Variants in FNDC7 observed in about 807,000 individuals in gnomAD.
FNDC7 encodes fibronectin type III domain-containing protein 7.
FNDC7 carries 66 observed loss-of-function variants against 74.2 expected under a neutral mutation model. The observed-to-expected ratio is 0.89, with a 90% CI of 0.73 to 1.09. The LOEUF (loss-of-function observed/expected upper bound fraction) is 1.09. Among genes scored for constraint, FNDC7 ranks in the 50% least tolerant of loss-of-function variants. The pLI is 0.00. For missense variants in FNDC7, 829 were observed against 893.4 expected, an observed-to-expected ratio of 0.93 and a Z score of 0.92; for synonymous variants, 307 against 330.2, an observed-to-expected ratio of 0.93 and a Z score of 0.76.
Position 108,740,318 on chromosome 1 carries a change from CTTTTTTTTTTTTTT to C in FNDC7, c.2171-1441_2171-1428del, listed in dbSNP as rs567191029. Among the ~76,000 whole-genome samples, 3 of 68,864 alleles carry C rather than the reference CTTTTTTTTTTTTTT, an allele frequency of 4.4e-5. No individual in the cohort carries two copies. In the East Asian group the frequency reaches 1.1e-3, roughly 25 times the overall value. The allele number at this position is 68,864 out of a possible 152,430, so 45.2% of individuals were successfully genotyped here. ...TTGGAGTATCCTAAAGCTTTTCAAACTTTTTTTTTTTTTTTTTTTTTTTTTTTGAGATGGAGTTT... is the reference window on the plus strand; with the variant it reads ...TTGGAGTATCCTAAAGCTTTTCAAACTTTTTTTTTTTTTGAGATGGAGTTT... On this transcript the variant is annotated intron_variant, in intron 11 of 12. Coordinates refer to ENST00000370017, the MANE Select transcript of FNDC7 (RefSeq NM_001144937.3).
At chr1:108,723,329 T>G (rs1006429791) in intron 5 of FNDC7, among the ~76,000 whole-genome samples, 19 of 152,216 alleles carry the variant, frequency 1.2e-4, no homozygotes, top group Admixed American at 1.2e-3. Context: ...AGATTCAAGC[T>G]GCTCAAGTTT....
chr1:108,739,655 TTAA>T (rs1377008329), intron 11 of FNDC7, among the ~76,000 whole-genome samples: 56 of 152,302 alleles, frequency 3.7e-4, no homozygotes, highest in African/African-American at 1.3e-3. Context: ...TCCTGGACAG[TTAA>T]TAATGAATGC....
In FNDC7 at chr1:108,717,789, C is replaced by A; in HGVS notation, c.95C>A (p.Pro32His). ...VASAKSAPEI[P>H]TIDQAYSKLS... ...AAACCTCTTTCAGCTCCTGAAATAC[C>A]CACTATTGATCAGGCATATTCAAAA... Residue 32 changes from proline to histidine, a missense_variant, in exon 3 of 13, where the codon CCC becomes CAC. Transcript: ENST00000370017. 6.4e-7 allele frequency: 1 copy of A among 1,551,620 alleles called. No individual in the cohort carries two copies. The highest frequency in any genetic ancestry group is 8.7e-7 in the Non-Finnish European group (1 of 1,146,962).
At position 108,725,967 on chromosome 1, in the gene FNDC7, G is replaced by A. The variant is rs765401418; in HGVS notation, c.1074G>A (p.Gly358=). 1 of 1,614,142 alleles carries A rather than the reference G, an allele frequency of 6.2e-7. No homozygotes were observed. The highest frequency in any genetic ancestry group is 1.7e-5 in the Admixed American group (1 of 60,014). ...FISVFVYNKA[G]QSPLGDIFNY... ...GTGTTTTTGTCTATAACAAGGCAGG[G>A]CAAAGTCCTTTGGGTGACATATTCA... Residue 358 remains glycine, a synonymous_variant, in exon 6 of 13, where the codon GGG becomes GGA. Coordinates refer to ENST00000370017, the MANE Select transcript of FNDC7 (RefSeq NM_001144937.3).
chr1:108,721,648 C>A (rs1042527372), intron 4 of FNDC7, among the ~76,000 whole-genome samples: 4 of 152,134 alleles, frequency 2.6e-5, no homozygotes, highest in Admixed American at 2.0e-4. Flanking sequence ...CACCTTCTTA[C>A]GCTTTTTTAA....
chr1:108,730,687 A>T lies in FNDC7; in HGVS notation c.1638A>T (p.Pro546=), dbSNP rs1473662360. 2 of 1,579,390 alleles carry T rather than the reference A, an allele frequency of 1.3e-6. No individual in the cohort carries two copies. The highest frequency in any genetic ancestry group is 4.6e-5 in the East Asian group (2 of 43,560). Residue 546 remains proline, a synonymous_variant, in exon 9 of 13, where the codon CCA becomes CCT. Coordinates refer to ENST00000370017, the MANE Select transcript of FNDC7 (RefSeq NM_001144937.3). The part of the protein sequence containing the change: ...SVPLETVPCC[P]TGLTVTQITQ... ...ATCCCATTTAAGTGCCATGCTGTCC[A>T]ACCGGTCTGACAGTAACTCAAATCA...
chr1:108,717,673 T>C lies in FNDC7; in HGVS notation c.83-104T>C, dbSNP rs1251626413. 2.4e-6 allele frequency: 3 copies of C among 1,239,856 alleles called. No homozygotes were observed. In the African/African-American group the frequency reaches 4.5e-5, roughly 19 times the overall value. The allele number at this position is 1,239,856 out of a possible 1,614,324, so 76.8% of individuals were successfully genotyped here. ...CTGAATAATAAGGGCAAAACTTCTG[T>C]CTGAAGGAAGGCATGAGAATGATTT... On this transcript the variant is annotated intron_variant, in intron 2 of 12. Coordinates refer to ENST00000370017, the MANE Select transcript of FNDC7 (RefSeq NM_001144937.3).
intron 2 of FNDC7, among the ~76,000 whole-genome samples, chr1:108,713,901 G>C (rs767000682): frequency 6.6e-6 from 1 of 152,066 alleles, no homozygotes; most frequent in Non-Finnish European, 1.5e-5. Flanking sequence ...TTTATCTTCC[G>C]GGGAATTAGA....
At chr1:108,741,687 A>T in intron 11 of FNDC7, 86 bp from the exon 12 acceptor site, 1 of 1,389,934 alleles carries the variant, frequency 7.2e-7, no homozygotes, top group Non-Finnish European at 1.0e-6. Flanking sequence ...CAACATACAC[A>T]TAAAATCTCA....
rs779106415 is a variant in FNDC7 at position 108,712,971 on chromosome 1, G to A, written c.38G>A (p.Gly13Glu). Residue 13 changes from glycine (G) to glutamate (E), a missense_variant, in exon 1 of 13, where the codon GGA becomes GAA. By Grantham distance (98) the Gly-to-Glu change is moderately conservative. Coordinates refer to ENST00000370017, the MANE Select transcript of FNDC7 (RefSeq NM_001144937.3). Reference sequence around the variant, plus strand: ...CGAGAGACATGTTTGCCTTTGATTGGATTCATTCTTATCTGTCTTAAAATG... The same window carrying A: ...CGAGAGACATGTTTGCCTTTGATTGAATTCATTCTTATCTGTCTTAAAATG... ...GGRETCLPLI[G>E]FILICLKMVA... 1 of 1,551,444 alleles carries A rather than the reference G, an allele frequency of 6.4e-7. No individual in the cohort carries two copies. The highest frequency in any genetic ancestry group is 8.7e-7 in the Non-Finnish European group (1 of 1,146,956).
chr1:108,734,294 T>G (rs978405679), intron 10 of FNDC7: 4 of 152,212 alleles, frequency 2.6e-5, no homozygotes, highest in Non-Finnish European at 5.9e-5. Context: ...AATCACAAGC[T>G]AGGCTTGGCA....
intron 11 of FNDC7, among the ~76,000 whole-genome samples, chr1:108,738,518 A>G (rs1661567115): frequency 6.6e-6 from 1 of 151,962 alleles, no homozygotes; most frequent in African/African-American, 2.4e-5. Flanking sequence ...ACCCCAAACT[A>G]CAGAACTTCT....
intron 11 of FNDC7, among the ~76,000 whole-genome samples, chr1:108,737,916 G>A (rs941343542): frequency 6.6e-6 from 1 of 152,220 alleles, no homozygotes; most frequent in African/African-American, 2.4e-5. Flanking sequence ...AATGGGTCTG[G>A]GGTGAGAGCT....
chr1:108,716,319 A>AGG (rs1660972548), intron 2 of FNDC7, among the ~76,000 whole-genome samples: 2 of 51,936 alleles, frequency 3.9e-5, no homozygotes, highest in Non-Finnish European at 9.2e-5. Context: ...AGCAGAAGAG[A>AGG]GGTGTGTGTG....
chr1:108,715,669 GCGCACACA>G (rs1371117561), intron 2 of FNDC7, among the ~76,000 whole-genome samples: 1 of 135,852 alleles, frequency 7.4e-6, no homozygotes, highest in Non-Finnish European at 1.6e-5. Flanking sequence ...GCGTGCGCGC[GCGCACACA>G]CACACACACA....
chr1:108,725,120 A>C (rs188003889), intron 5 of FNDC7, among the ~76,000 whole-genome samples: 1 of 152,010 alleles, frequency 6.6e-6, no homozygotes, highest in Non-Finnish European at 1.5e-5. Context: ...AATTTAAAAA[A>C]ATAGTTTTTT....
At chr1:108,721,964 C>T (rs1243060260) in intron 4 of FNDC7, among the ~76,000 whole-genome samples, 3 of 152,172 alleles carry the variant, frequency 2.0e-5, no homozygotes, top group African/African-American at 7.2e-5. Flanking sequence ...TAGTTCTCCC[C>T]ATTTATAATT....
intron 8 of FNDC7, 76 bp downstream of exon 8, chr1:108,728,962 A>G: frequency 6.5e-7 from 1 of 1,541,276 alleles, no homozygotes; most frequent in Non-Finnish European, 8.8e-7. Flanking sequence ...GAACTTCCTT[A>G]TTTAATCTAC....
At chr1:108,715,400 A>G (rs1006711436) in intron 2 of FNDC7, among the ~76,000 whole-genome samples, 2 of 152,194 alleles carry the variant, frequency 1.3e-5, no homozygotes, top group African/African-American at 4.8e-5. Context: ...CTGCTATTTT[A>G]TGGACTTTAC....
Sources: allele counts gnomAD v4.1 joint callset (sites outside exome capture counted in the v4.1 genomes callset), GRCh38; gene constraint gnomAD v4.1.1; transcripts MANE v1.5; gene names NCBI Gene and HGNC (gene_info 2026-07-23, HGNC 2026-07-21).